Variants in IBTK observed in about 807,000 individuals in gnomAD.
IBTK encodes inhibitor of Bruton tyrosine kinase, also known as BTK-binding protein.
IBTK carries 83 observed loss-of-function variants against 154.9 expected under a neutral mutation model. The ratio of observed to expected loss-of-function variants is 0.54; its 90% CI spans 0.45 to 0.64. The LOEUF (loss-of-function observed/expected upper bound fraction) is 0.64, where lower values mean the gene tolerates loss of function less well. Ranked by LOEUF, IBTK falls within the 30% of genes least tolerant of loss-of-function variation. IBTK has a pLI of 0.00. For missense variants in IBTK, 1,332 were observed against 1,584.6 expected (o/e 0.84, Z 2.71); for synonymous variants, 515 against 536.1 (o/e 0.96, Z 0.54).
At chr6:82,194,973 T>C (rs998075014) in intron 22 of IBTK, among the ~76,000 whole-genome samples, 3 of 152,160 alleles carry the variant, frequency 2.0e-5, no homozygotes, top group African/African-American at 7.2e-5. Context: ...AAAATTAATA[T>C]CCATGGCTTG....
Position 82,218,000 on chromosome 6 carries a change from C to T in IBTK, c.1386G>A (p.Gly462=), listed in dbSNP as rs772100695. 6.2e-7 allele frequency: 1 copy of T among 1,608,184 alleles called. No homozygotes were observed. Among genetic ancestry groups the T allele is most frequent in the East Asian group, 2.2e-5 (1 of 44,712 alleles). Residue 462 remains glycine (G), a synonymous_variant, in exon 10 of 29, where the codon GGG becomes GGA. Transcript: ENST00000306270. ...TCTTTCTTTTCTCTTCAAACCATCTCCCTCTAAATCCTTCTCCATCTTGCG... is the reference window on the plus strand; with the variant it reads ...TCTTTCTTTTCTCTTCAAACCATCTTCCTCTAAATCCTTCTCCATCTTGCG... ...FVTQDGEGFR[G]RWFEEKRKSS...
rs1767879086 is a variant in IBTK at position 82,170,038 on chromosome 6, C to A, written c.*1387G>T. ...ACATCAATAGAACATTTATAAAATT[C>A]ATTTCTCAATTTACTCAAACACACA... On this transcript the variant is annotated 3_prime_UTR_variant, in exon 29 of 29. Coordinates refer to ENST00000306270, the MANE Select transcript of IBTK (RefSeq NM_015525.4). The A allele has an allele frequency of 6.6e-6, 1 of 152,176 alleles. No individual in the cohort carries two copies. The highest frequency in any genetic ancestry group is 2.1e-4 in the South Asian group (1 of 4,824). The allele number at this position is 152,176 out of a possible 1,614,324, so 9.4% of individuals were successfully genotyped here.
chr6:82,229,250 C>T (rs1046226201), intron 4 of IBTK, among the ~76,000 whole-genome samples: 5 of 152,126 alleles, frequency 3.3e-5, no homozygotes, highest in Admixed American at 2.0e-4. Context: ...ACGCCCACTG[C>T]CTTGCCTTAC....
At chr6:82,221,807 T>C (rs931370406) in intron 8 of IBTK, among the ~76,000 whole-genome samples, 1 of 152,132 alleles carries the variant, frequency 6.6e-6, no homozygotes, top group African/African-American at 2.4e-5. Context: ...ATTTAGTCAG[T>C]TTTAAGAAAC....
intron 26 of IBTK, among the ~76,000 whole-genome samples, chr6:82,175,674 A>G (rs538428826): frequency 6.6e-6 from 1 of 152,252 alleles, no homozygotes; most frequent in Admixed American, 6.5e-5. Flanking sequence ...CAATCTGTAG[A>G]AAATTTAGCC....
chr6:82,211,472 T>A lies in IBTK; in HGVS notation c.2374+18A>T. ...ATACTACAGCAAATAAATCAGCAGC[T>A]TTAAAAAGTGCACCTACCAAGTCTA... is the stretch of plus-strand genomic sequence containing the variant. On this transcript the variant is annotated intron_variant, in intron 14 of 28. Transcript: ENST00000306270. 1 of 1,609,648 alleles carries A rather than the reference T, an allele frequency of 6.2e-7. No individual in the cohort carries two copies. Among genetic ancestry groups the A allele is most frequent in the Non-Finnish European group, 8.5e-7 (1 of 1,176,172 alleles).
chr6:82,181,770 G>A (rs1768325564), intron 26 of IBTK, 109 bp downstream of exon 26: 1 of 697,052 alleles, frequency 1.4e-6, no homozygotes, highest in African/African-American at 1.8e-5. Context: ...ATGTAAAAGA[G>A]TGTACAAAAA....
intron 4 of IBTK, among the ~76,000 whole-genome samples, chr6:82,231,443 AC>A (rs1282021282): frequency 1.3e-5 from 2 of 152,272 alleles, no homozygotes; most frequent in Non-Finnish European, 2.9e-5. Context: ...GAGAAGCTTT[AC>A]CCTCTTAAAT....
chr6:82,174,995 C>T, intron 26 of IBTK: 1 of 456,092 alleles, frequency 2.2e-6, no homozygotes, highest in Non-Finnish European at 4.4e-6. Context: ...CTCTCTCCTC[C>T]TACAAAACTT....
At position 82,224,144 on chromosome 6, in the gene IBTK, A is replaced by T. The variant is rs1416693270; in HGVS notation, c.867T>A (p.Val289=). 8 of 1,614,014 alleles carry T rather than the reference A, an allele frequency of 5.0e-6. No individual in the cohort carries two copies. The highest frequency in any genetic ancestry group is 6.8e-6 in the Non-Finnish European group (8 of 1,179,974). The change falls in exon 7 of 29, where the codon GTT becomes GTA. Residue 289 remains valine, a synonymous_variant. Coordinates refer to ENST00000306270, the MANE Select transcript of IBTK (RefSeq NM_015525.4). ...KYLKGRTIIG[V]AAGRFHTVLW... ...GGACTGTATGAAACCTGCCTGCTGCAACGCCAATGATTGTCCTTCCTTTCA... is the reference window on the plus strand; with the variant it reads ...GGACTGTATGAAACCTGCCTGCTGCTACGCCAATGATTGTCCTTCCTTTCA...
intron 25 of IBTK, among the ~76,000 whole-genome samples, chr6:82,189,472 A>G (rs1032927755): frequency 6.6e-6 from 1 of 152,330 alleles, no homozygotes; most frequent in Non-Finnish European, 1.5e-5. Context: ...CCAAAAATAT[A>G]TGTCTTATAC....
intron 4 of IBTK, among the ~76,000 whole-genome samples, 176 bp from the exon 5 acceptor site, chr6:82,227,478 G>A (rs1582244465): frequency 6.6e-6 from 1 of 152,172 alleles, no homozygotes; most frequent in East Asian, 1.9e-4. Context: ...AGATACATAT[G>A]CTTTGTTTTA....
chr6:82,223,313 T>C lies in IBTK; in HGVS notation c.1124+127A>G, dbSNP rs975916024. The stretch of plus-strand genomic sequence containing the variant: ...AAAAATCAAAGACAAAAATTCCTGA[T>C]GTTTTTCCTCATTCAATTTTTTCCA... On this transcript the variant is annotated intron_variant, in intron 8 of 28. Coordinates refer to ENST00000306270, the MANE Select transcript of IBTK (RefSeq NM_015525.4). 8 of 655,106 alleles carry C rather than the reference T, an allele frequency of 1.2e-5. No individual in the cohort carries two copies. In the African/African-American group the frequency reaches 1.3e-4, roughly 11 times the overall value. The allele number at this position is 655,106 out of a possible 1,614,324, so 40.6% of individuals were successfully genotyped here.
In IBTK at chr6:82,246,483, C is replaced by T. The variant is rs1582269905; in HGVS notation, c.-358+1079G>A. ...TTTTTGAGATGGTGCCACACTCAGT[C>T]GCCCAGGATGGAGTGCAGCGGCGCG... On this transcript the variant is annotated intron_variant, in intron 1 of 28. Transcript: ENST00000306270. Among the ~76,000 whole-genome samples, 3 of 138,898 alleles carry T rather than the reference C, an allele frequency of 2.2e-5. No individual in the cohort carries two copies. The Admixed American group carries it at 2.3e-4, about 11-fold the overall frequency. The allele number at this position is 138,898 out of a possible 152,430, so 91.1% of individuals were successfully genotyped here. A position where few individuals can be genotyped will look rare whatever the true frequency, so the allele number is the denominator to read the frequency against.
chr6:82,191,904 G>A (rs1196001321), intron 23 of IBTK, 25 bp from the exon 24 acceptor site: 3 of 1,437,212 alleles, frequency 2.1e-6, no homozygotes, highest in East Asian at 2.3e-5. Context: ...AGGTTACTTT[G>A]CAAAGCATTC....
At chr6:82,180,503 C>T (rs968295764) in intron 26 of IBTK, among the ~76,000 whole-genome samples, 5 of 152,132 alleles carry the variant, frequency 3.3e-5, no homozygotes, top group Admixed American at 6.5e-5. Flanking sequence ...CTGCCCACCT[C>T]GGCCTCCCAA....
At chr6:82,211,599 A>G in intron 13 of IBTK, 27 bp from the exon 14 acceptor site, 1 of 1,560,216 alleles carries the variant, frequency 6.4e-7, no homozygotes, top group South Asian at 1.1e-5. Flanking sequence ...AATTGAAGCA[A>G]GAGCAATTTC....
chr6:82,245,176 A>T lies in IBTK; in HGVS notation c.-358+2386T>A, dbSNP rs1445546486. 8.5e-5 allele frequency among the ~76,000 whole-genome samples: 13 copies of T among 152,314 alleles called. No individual in the cohort carries two copies. In the East Asian group the frequency reaches 1.5e-3, roughly 18 times the overall value. ...ATTATAAACCTATGGTCAAGATAAA[A>T]CAAGTGACACATAGGAACGGGGAGT... On this transcript the variant is annotated intron_variant, in intron 1 of 28. Transcript: ENST00000306270.
At chr6:82,192,534 G>A (rs181851946) in intron 23 of IBTK, among the ~76,000 whole-genome samples, 1,808 of 150,366 alleles carry the variant, frequency 0.012, 31 homozygotes, top group African/African-American at 0.039. Flanking sequence ...ATCACCTGAG[G>A]TCAGGAGTTC....
Sources: allele counts gnomAD v4.1 joint callset (sites outside exome capture counted in the v4.1 genomes callset), GRCh38; gene constraint gnomAD v4.1.1; transcripts MANE v1.5; gene names NCBI Gene and HGNC (gene_info 2026-07-23, HGNC 2026-07-21).